TSPAN9: variants seen among roughly 807,000 people sequenced by gnomAD.
The protein encoded by TSPAN9 is tetraspanin 9, also known as tetraspanin-9.
TSPAN9 carries 16 observed loss-of-function variants against 31.0 expected under a neutral mutation model. The observed-to-expected ratio is 0.52, with a 90% CI of 0.35 to 0.78. TSPAN9 has a LOEUF of 0.78. Among genes scored for constraint, TSPAN9 ranks in the 30% least tolerant of loss-of-function variants. TSPAN9 has a pLI of 0.01. For missense variants in TSPAN9, 272 were observed against 312.5 expected (o/e 0.87, Z 0.98); for synonymous variants, 145 against 121.6 (o/e 1.19, Z -1.27).
At chr12:3,205,728 C>CCCCA (rs2098374778) in intron 3 of TSPAN9, among the ~76,000 whole-genome samples, 1 of 151,414 alleles carries the variant, frequency 6.6e-6, no homozygotes. Flanking sequence ...GCCCCCCCCC[C>CCCCA]CCAGAGTGCT....
chr12:3,183,238 A>G (rs2098359381), intron 2 of TSPAN9, among the ~76,000 whole-genome samples: 1 of 152,160 alleles, frequency 6.6e-6, no homozygotes, highest in African/African-American at 2.4e-5. Context: ...CCTCTGTGCT[A>G]GGCACATCTG....
intron 2 of TSPAN9, chr12:3,171,920 G>A (rs1323988688): frequency 6.6e-6 from 1 of 152,162 alleles, no homozygotes; most frequent in African/African-American, 2.4e-5. Flanking sequence ...GATGAAGGGT[G>A]CACCTATTTC....
chr12:3,083,776 A>T (rs1348703670), intron 2 of TSPAN9, 57 bp downstream of exon 2: 1 of 152,376 alleles, frequency 6.6e-6, no homozygotes, highest in South Asian at 2.1e-4. Flanking sequence ...TGTGTGTTAT[A>T]ACCTCTGTCT....
Position 3,192,748 on chromosome 12 carries a change from G to A in TSPAN9, c.-17-8429G>A, listed in dbSNP as rs2098365092. ...GGAACGGAGGAGATGGTCATATAGA[G>A]GAAAGTTGGGCAGAAGAGAAGAGGG... On this transcript the variant is annotated intron_variant, in intron 2 of 8. Coordinates refer to ENST00000011898, the MANE Select transcript of TSPAN9 (RefSeq NM_006675.5). The surrounding 1 kb of genome is among the most constrained non-coding windows in gnomAD (Gnocchi z 4.6). 1.3e-5 allele frequency among the ~76,000 whole-genome samples: 2 copies of A among 152,154 alleles called. No homozygotes were observed. The highest frequency in any genetic ancestry group is 4.8e-5 in the African/African-American group (2 of 41,426).
At chr12:3,177,481 G>A (rs1332049193) in intron 2 of TSPAN9, among the ~76,000 whole-genome samples, 2 of 152,040 alleles carry the variant, frequency 1.3e-5, no homozygotes, top group Admixed American at 6.6e-5. Context: ...TGCCCAGGCT[G>A]GAGCACAGTG....
chr12:3,166,839 G>A (rs771662987), intron 2 of TSPAN9, among the ~76,000 whole-genome samples: 8 of 152,016 alleles, frequency 5.3e-5, no homozygotes, highest in South Asian at 4.2e-4. Flanking sequence ...CTCTGTCACC[G>A]AGGCTGGAAT....
intron 2 of TSPAN9, among the ~76,000 whole-genome samples, chr12:3,146,608 C>T (rs556461347): frequency 1.4e-4 from 21 of 152,290 alleles, no homozygotes; most frequent in Admixed American, 5.2e-4. Context: ...TGCCTCTGTG[C>T]GCTCTGCTCT....
intron 2 of TSPAN9, among the ~76,000 whole-genome samples, chr12:3,198,443 C>T (rs1171723086): frequency 9.8e-6 from 1 of 102,296 alleles, no homozygotes; most frequent in Non-Finnish European, 2.0e-5. Flanking sequence ...CAGCACAGGT[C>T]ACACCAGCAC....
chr12:3,154,010 ATG>A (rs56928697), intron 2 of TSPAN9, among the ~76,000 whole-genome samples: 8,718 of 147,868 alleles, frequency 0.059, 849 homozygotes, highest in African/African-American at 0.2. Context: ...TTATATATAT[ATG>A]TGTGTGTGTG....
At chr12:3,220,145 C>CAAAAAAAAAAAAAAAAAAAAAAAAA (rs55735802) in intron 3 of TSPAN9, among the ~76,000 whole-genome samples, 59 of 137,350 alleles carry the variant, frequency 4.3e-4, no homozygotes, top group Non-Finnish European at 5.0e-4. Flanking sequence ...AACTCTGTCT[C>CAAAAAAAAAAAAAAAAAAAAAAAAA]AAAAAAAAAA....
chr12:3,264,568 C>T (rs879571929), intron 3 of TSPAN9, among the ~76,000 whole-genome samples: 16 of 152,248 alleles, frequency 1.1e-4, no homozygotes, highest in African/African-American at 2.6e-4. Context: ...GGACAGGGCT[C>T]GGAGAGGCCC....
At chr12:3,109,162 T>A (rs537832361) in intron 2 of TSPAN9, among the ~76,000 whole-genome samples, 4 of 151,876 alleles carry the variant, frequency 2.6e-5, no homozygotes, top group Non-Finnish European at 5.9e-5. Flanking sequence ...GGTCTCGATC[T>A]CCTGACCTCG....
At chr12:3,232,402 A>T (rs1314053736) in intron 3 of TSPAN9, among the ~76,000 whole-genome samples, 2 of 152,206 alleles carry the variant, frequency 1.3e-5, no homozygotes, top group Non-Finnish European at 2.9e-5. Flanking sequence ...ATATGGACAC[A>T]GCAAGAAGGA....
intron 2 of TSPAN9, among the ~76,000 whole-genome samples, chr12:3,095,352 T>G (rs1184269170): frequency 1.3e-5 from 2 of 150,162 alleles, no homozygotes; most frequent in African/African-American, 2.5e-5. Flanking sequence ...AAACCGCCAT[T>G]GTCATCCTGG....
chr12:3,094,822 A>G (rs1180941910), intron 2 of TSPAN9, among the ~76,000 whole-genome samples: 2 of 148,842 alleles, frequency 1.3e-5, no homozygotes, highest in South Asian at 2.1e-4. Flanking sequence ...GGCGTGAGCC[A>G]ACACGCCCGG....
At chr12:3,254,186 GCTGGGC>G (rs1259838331) in intron 3 of TSPAN9, among the ~76,000 whole-genome samples, 2 of 152,260 alleles carry the variant, frequency 1.3e-5, no homozygotes, top group African/African-American at 4.8e-5. Context: ...TGCAGCACAG[GCTGGGC>G]AGGGGCCCAT....
intron 1 of TSPAN9, among the ~76,000 whole-genome samples, chr12:3,079,795 C>T: frequency 7.3e-6 from 1 of 137,366 alleles, no homozygotes; most frequent in Non-Finnish European, 1.5e-5. Context: ...TTTTTAGAGA[C>T]AGGGTCTTGC....
chr12:3,257,872 A>G (rs1005821603), intron 3 of TSPAN9, among the ~76,000 whole-genome samples: 3 of 152,182 alleles, frequency 2.0e-5, no homozygotes, highest in African/African-American at 7.2e-5. Context: ...CATCAGAGAA[A>G]GAGACCTCAG....
chr12:3,228,174 C>T (rs116609832), intron 3 of TSPAN9, among the ~76,000 whole-genome samples: 1,555 of 152,156 alleles, frequency 0.01, 25 homozygotes, highest in African/African-American at 0.035. Context: ...CATCACAAGA[C>T]CTCAACTCTA....
Sources: gnomAD v4.1 joint callset for allele counts (sites outside exome capture counted in the v4.1 genomes callset) on GRCh38, gnomAD v4.1.1 for gene constraint, Gnocchi (gnomAD v3.1) non-coding constraint, MANE v1.5 for transcripts, NCBI Gene and HGNC (gene_info 2026-07-23, HGNC 2026-07-21) for gene names.